DPP6: variants seen among roughly 807,000 people sequenced by gnomAD.
DPP6 encodes dipeptidyl peptidase like 6, also known as A-type potassium channel modulatory protein DPP6.
A neutral mutation model predicts 122.6 loss-of-function variants in DPP6; 69 were observed. The ratio of observed to expected loss-of-function variants is 0.56; its 90% CI spans 0.46 to 0.69. The LOEUF is 0.69. DPP6 is among the 30% of genes least tolerant of loss of function. The probability of loss-of-function intolerance (pLI) is 0.00; values close to 1 mark genes in which losing one functional copy is unlikely to be tolerated. For synonymous variants in DPP6, 418 were observed against 433.1 expected, an observed-to-expected ratio of 0.97 and a Z score of 0.43; for missense variants, 928 against 1,116.9, an observed-to-expected ratio of 0.83 and a Z score of 2.41.
chr7:154,205,769 TAAAAA>T (rs35151924), intron 1 of DPP6, among the ~76,000 whole-genome samples: 81 of 150,402 alleles, frequency 5.4e-4, no homozygotes, highest in African/African-American at 1.7e-3. Context: ...CTAGAATTGT[TAAAAA>T]AAAAAAAAAA....
At chr7:154,882,543 G>C (rs549973858) in intron 21 of DPP6, among the ~76,000 whole-genome samples, 36 of 152,280 alleles carry the variant, frequency 2.4e-4, no homozygotes, top group Admixed American at 4.6e-4. Context: ...TGATCTGGCT[G>C]CAGCCTTTGT....
chr7:154,332,151 A>G (rs1158430701), intron 1 of DPP6, among the ~76,000 whole-genome samples: 1 of 151,218 alleles, frequency 6.6e-6, no homozygotes, highest in African/African-American at 2.4e-5. Flanking sequence ...AGCTCACTGC[A>G]ACCTCCGTCT....
chr7:154,802,936 C>T (rs887926960), intron 13 of DPP6, among the ~76,000 whole-genome samples: 3 of 152,166 alleles, frequency 2.0e-5, no homozygotes, highest in Non-Finnish European at 4.4e-5. Context: ...GGAGCCCTAT[C>T]AAACATTCCA....
At chr7:154,225,778 C>A (rs773942915) in intron 1 of DPP6, among the ~76,000 whole-genome samples, 1 of 152,084 alleles carries the variant, frequency 6.6e-6, no homozygotes, top group African/African-American at 2.4e-5. Context: ...TGTAAACATA[C>A]GAATTTCTGG....
intron 1 of DPP6, among the ~76,000 whole-genome samples, chr7:154,167,936 C>T (rs1797337175): frequency 6.6e-6 from 1 of 152,196 alleles, no homozygotes; most frequent in African/African-American, 2.4e-5. Context: ...ACTGGCCTGT[C>T]TCGCACCTGT....
chr7:154,794,224 G>A (rs1313455543), intron 11 of DPP6, 22 bp downstream of exon 11: 2 of 1,588,836 alleles, frequency 1.3e-6, no homozygotes, highest in East Asian at 4.6e-5. Flanking sequence ...TGTGGGGGTG[G>A]AGGGGAGACG....
intron 1 of DPP6, among the ~76,000 whole-genome samples, chr7:154,147,756 C>G (rs1323870624): frequency 6.6e-6 from 1 of 151,924 alleles, no homozygotes; most frequent in Non-Finnish European, 1.5e-5. Flanking sequence ...GTTGGCCAGG[C>G]TGGTCTTGAA....
intron 1 of DPP6, among the ~76,000 whole-genome samples, chr7:154,370,980 C>T (rs186734606): frequency 1.4e-3 from 213 of 152,302 alleles, no homozygotes; most frequent in Middle Eastern, 0.01. Context: ...TGAGGAGCCT[C>T]CCTATGCAGT....
At chr7:154,361,603 C>CA (rs34342809) in intron 1 of DPP6, among the ~76,000 whole-genome samples, 1,817 of 56,270 alleles carry the variant, frequency 0.032, 7 homozygotes, top group Non-Finnish European at 0.053. Flanking sequence ...AATTGCTAGC[C>CA]AAAAAAAAAA....
At chr7:154,357,275 C>CTT (rs35476633) in intron 1 of DPP6, among the ~76,000 whole-genome samples, 7 of 120,858 alleles carry the variant, frequency 5.8e-5, no homozygotes, top group African/African-American at 1.4e-4. Flanking sequence ...TAATGTGGGG[C>CTT]TTTTTTTTTT....
intron 5 of DPP6, among the ~76,000 whole-genome samples, chr7:154,611,656 A>G (rs971632954): frequency 3.3e-5 from 5 of 152,224 alleles, no homozygotes; most frequent in Non-Finnish European, 7.4e-5. Flanking sequence ...TATGTTATTT[A>G]TTTTTTGAAG....
chr7:154,727,664 C>A, intron 7 of DPP6, 103 bp from the exon 8 acceptor site: 1 of 1,433,156 alleles, frequency 7.0e-7, no homozygotes, highest in South Asian at 1.5e-5. Context: ...ATAAATACAA[C>A]AGGAAAATGA....
chr7:154,628,484 C>T (rs1172481505), intron 5 of DPP6, among the ~76,000 whole-genome samples: 1 of 152,104 alleles, frequency 6.6e-6, no homozygotes, highest in Non-Finnish European at 1.5e-5. Context: ...AGTATTTTGG[C>T]TTATTGGTCT....
intron 1 of DPP6, among the ~76,000 whole-genome samples, chr7:154,115,126 G>C (rs544992417): frequency 2.3e-3 from 350 of 152,336 alleles, no homozygotes; most frequent in African/African-American, 8.0e-3. Flanking sequence ...ACTGAGGGCA[G>C]GTTCCTGGCT....
intron 1 of DPP6, among the ~76,000 whole-genome samples, chr7:154,198,667 G>C (rs888642475): frequency 3.3e-5 from 5 of 152,182 alleles, no homozygotes; most frequent in African/African-American, 1.2e-4. Flanking sequence ...TGCAACTCTG[G>C]TTAGATAATG....
chr7:153,917,696 G>C (rs1800387459), intron 1 of DPP6, among the ~76,000 whole-genome samples: 1 of 152,186 alleles, frequency 6.6e-6, no homozygotes, highest in African/African-American at 2.4e-5. Flanking sequence ...AAATTTCGTG[G>C]ATTATATGTG....
intron 1 of DPP6, among the ~76,000 whole-genome samples, chr7:154,115,760 A>G (rs1366930225): frequency 2.6e-5 from 4 of 152,174 alleles, no homozygotes; most frequent in African/African-American, 7.2e-5. Flanking sequence ...AGCACTTTCA[A>G]TTGTAAGGTG....
intron 9 of DPP6, among the ~76,000 whole-genome samples, chr7:154,770,311 T>A (rs1189295900): frequency 6.6e-6 from 1 of 152,126 alleles, no homozygotes; most frequent in Non-Finnish European, 1.5e-5. Context: ...AACTCACCTT[T>A]TTAAAACCAT....
At chr7:154,155,611 G>A (rs1239908241) in intron 1 of DPP6, among the ~76,000 whole-genome samples, 2 of 152,196 alleles carry the variant, frequency 1.3e-5, no homozygotes, top group African/African-American at 2.4e-5. Context: ...GTAGCCTTGT[G>A]CCAGGAGAAC....
Sources: gnomAD v4.1 joint callset for allele counts (sites outside exome capture counted in the v4.1 genomes callset) on GRCh38, gnomAD v4.1.1 for gene constraint, MANE v1.5 for transcripts, NCBI Gene and HGNC (gene_info 2026-07-23, HGNC 2026-07-21) for gene names.